OR2L13: variants seen among roughly 807,000 people sequenced by gnomAD.
OR2L13 encodes olfactory receptor family 2 subfamily L member 13, also known as olfactory receptor 2L13.
Under a neutral mutation model 15.3 loss-of-function variants are expected in OR2L13, and 14 were observed. The observed-to-expected ratio is 0.91, with a 90% confidence interval of 0.60 to 1.43. The LOEUF (loss-of-function observed/expected upper bound fraction) is 1.43. OR2L13 is among the 40% of genes most tolerant of loss of function. The probability of loss-of-function intolerance (pLI) is 0.00; values close to 1 mark genes in which losing one functional copy is unlikely to be tolerated. For synonymous variants in OR2L13, 152 were observed against 142.9 expected (o/e 1.06, Z -0.45); for missense variants, 367 against 387.9 (o/e 0.95, Z 0.45).
At chr1:248,078,212 G>T in the OR2L13 span, among the ~76,000 whole-genome samples, 1,469 of 152,286 alleles carry the variant, frequency 9.6e-3, 11 homozygotes, top group Non-Finnish European at 0.014. Context: ...GCTGGGCGCG[G>T]TGCCTCACAC....
At chr1:248,016,505 A>G in the OR2L13 span, among the ~76,000 whole-genome samples, 1 of 152,270 alleles carries the variant, frequency 6.6e-6, no homozygotes, top group Non-Finnish European at 1.5e-5. Context: ...AATTTTAGCC[A>G]TTAAAATAAT....
chr1:248,022,450 G>T, the OR2L13 span: 1 of 1,614,156 alleles, frequency 6.2e-7, no homozygotes, highest in Non-Finnish European at 8.5e-7. Flanking sequence ...ATCCCATATT[G>T]CAAGTCCAGA....
At chr1:248,079,321 G>A in the OR2L13 span, among the ~76,000 whole-genome samples, 1 of 151,966 alleles carries the variant, frequency 6.6e-6, no homozygotes. Flanking sequence ...AAAATTCAAT[G>A]CAAAAATTGT....
the OR2L13 span, among the ~76,000 whole-genome samples, chr1:248,043,697 T>A: frequency 6.6e-6 from 1 of 152,086 alleles, no homozygotes; most frequent in African/African-American, 2.4e-5. Context: ...AGGTCCCCAG[T>A]GCAAAGCAAA....
chr1:247,991,103 T>C, the OR2L13 span: 4 of 1,603,454 alleles, frequency 2.5e-6, no homozygotes, highest in South Asian at 4.4e-5. Flanking sequence ...TTCTACACCA[T>C]CCTCACTCCA....
At chr1:248,005,784 ATTAT>A in the OR2L13 span, among the ~76,000 whole-genome samples, 1 of 152,198 alleles carries the variant, frequency 6.6e-6, no homozygotes, top group Non-Finnish European at 1.5e-5. Context: ...TACGGTAAAA[ATTAT>A]TTCAATGCTT....
At chr1:248,036,986 G>A in the OR2L13 span, among the ~76,000 whole-genome samples, 1 of 152,070 alleles carries the variant, frequency 6.6e-6, no homozygotes, top group African/African-American at 2.4e-5. Context: ...TCGTATACGG[G>A]GAGAGCTTGA....
the OR2L13 span, chr1:247,990,532 A>C: frequency 6.4e-7 from 1 of 1,570,554 alleles, no homozygotes; most frequent in South Asian, 1.1e-5. Context: ...GTATGGAAAC[A>C]AGTCTATCTC....
the OR2L13 span, among the ~76,000 whole-genome samples, chr1:248,066,170 A>C: frequency 1.3e-5 from 2 of 152,206 alleles, no homozygotes; most frequent in African/African-American, 4.8e-5. Flanking sequence ...CTTTGTCTAA[A>C]ATTATAAAAG....
the OR2L13 span, among the ~76,000 whole-genome samples, chr1:248,014,305 C>T: frequency 6.6e-6 from 1 of 151,988 alleles, no homozygotes; most frequent in Non-Finnish European, 1.5e-5. Context: ...GTTAAAATTA[C>T]CAGTCTGTAG....
chr1:248,071,429 C>T, the OR2L13 span, among the ~76,000 whole-genome samples: 2 of 152,136 alleles, frequency 1.3e-5, no homozygotes, highest in African/African-American at 2.4e-5. Context: ...TTCAACAACT[C>T]TTCATGCTAA....
chr1:248,081,901 C>A, the OR2L13 span, among the ~76,000 whole-genome samples: 931 of 152,192 alleles, frequency 6.1e-3, 15 homozygotes, highest in African/African-American at 0.022. Flanking sequence ...CTAAAACAAG[C>A]CCCTTTTGAA....
the OR2L13 span, among the ~76,000 whole-genome samples, chr1:248,035,879 T>A: frequency 6.6e-6 from 1 of 152,174 alleles, no homozygotes; most frequent in Non-Finnish European, 1.5e-5. Flanking sequence ...CATCTCCTCT[T>A]ATGAAATTTA....
At chr1:248,027,138 T>C in the OR2L13 span, among the ~76,000 whole-genome samples, 1 of 152,156 alleles carries the variant, frequency 6.6e-6, no homozygotes, top group South Asian at 2.1e-4. Context: ...GGGCGGCCTC[T>C]AAAATGGCCA....
chr1:248,083,902 G>C, the OR2L13 span: 4 of 1,611,242 alleles, frequency 2.5e-6, no homozygotes, highest in Admixed American at 1.7e-5. Context: ...GCCTTCTTGC[G>C]GGCTTCTGTA....
At chr1:248,050,530 T>A in the OR2L13 span, among the ~76,000 whole-genome samples, 3 of 152,058 alleles carry the variant, frequency 2.0e-5, no homozygotes, top group African/African-American at 7.2e-5. Flanking sequence ...ACATGGATAA[T>A]AAAAAGATGA....
upstream of OR2L13, among the ~76,000 whole-genome samples, chr1:248,095,896 C>T (rs1286647878): frequency 3.3e-5 from 5 of 151,206 alleles, no homozygotes; most frequent in Non-Finnish European, 4.4e-5. Flanking sequence ...TGAGCCACTG[C>T]GCCTGGCCAT....
the OR2L13 span, among the ~76,000 whole-genome samples, chr1:247,975,861 A>G: frequency 1.3e-5 from 2 of 152,294 alleles, no homozygotes; most frequent in Non-Finnish European, 2.9e-5. Context: ...TTTTATCAAA[A>G]TATAGATCAT....
chr1:247,963,823 TA>T, the OR2L13 span, among the ~76,000 whole-genome samples: 1 of 152,134 alleles, frequency 6.6e-6, no homozygotes, highest in Non-Finnish European at 1.5e-5. Context: ...TATGACCATA[TA>T]TTATTTTTAT....
Sources: gnomAD v4.1 joint callset for allele counts (sites outside exome capture counted in the v4.1 genomes callset) on GRCh38, gnomAD v4.1.1 for gene constraint, MANE v1.5 for transcripts, NCBI Gene and HGNC (gene_info 2026-07-23, HGNC 2026-07-21) for gene names.